The following OR8U1 variants were observed in gnomAD, a reference collection of about 807,000 sequenced individuals.
OR8U1 encodes the protein olfactory receptor 8U1.
For missense variants in OR8U1, 371 were observed against 362.5 expected (o/e 1.02, Z -0.19); for synonymous variants, 123 against 128.9 (o/e 0.95, Z 0.31).
chr11:56,375,728 C>A lies in OR8U1; in HGVS notation c.105C>A (p.Tyr35Ter). The A allele has an allele frequency of 6.6e-7, 1 of 1,526,372 alleles. No homozygotes were observed. Among genetic ancestry groups the A allele is most frequent in the Non-Finnish European group, 9.0e-7 (1 of 1,115,942 alleles). 94.6% of individuals were successfully genotyped at this position (1,526,372 alleles called of 1,614,324 possible). The change falls in exon 1 of 1, where the codon TAC (tyrosine) becomes TAA (stop). Residue 35 changes from tyrosine (Y) to a stop codon, truncating the protein, a stop_gained. Coordinates refer to ENST00000302270, the MANE Select transcript of OR8U1 (RefSeq NM_001005204.1). LOFTEE classifies it low-confidence loss of function (END_TRUNC). ...MPLFVLFLSI[Y>*]LFTVVGNLGL... Reference sequence around the variant, plus strand: ...TCTTTGTGCTATTCTTATCCATCTACCTCTTCACAGTGGTAGGCAACTTGG... The same window carrying A: ...TCTTTGTGCTATTCTTATCCATCTAACTCTTCACAGTGGTAGGCAACTTGG...
Position 56,375,755 on chromosome 11 carries a change from T to C in OR8U1, c.132T>C (p.Gly44=). Residue 44 remains glycine (G), a synonymous_variant, in exon 1 of 1, where the codon GGT becomes GGC. Transcript: ENST00000302270. ...TCTTCACAGTGGTAGGCAACTTGGG[T>C]TTGATCCTACTCATTAGAGCGGATA... is the stretch of plus-strand genomic sequence containing the variant. The part of the protein sequence containing the change: ...IYLFTVVGNL[G]LILLIRADTS... 1 of 1,614,194 alleles carries C rather than the reference T, an allele frequency of 6.2e-7. No homozygotes were observed. The highest frequency in any genetic ancestry group is 1.7e-5 in the Admixed American group (1 of 60,030).
rs111512467 is a variant in OR8U1 at position 56,376,340 on chromosome 11, G to A, written c.717G>A (p.Ser239=). Residue 239 remains serine, a synonymous_variant, in exon 1 of 1, where the codon TCG becomes TCA. Transcript: ENST00000302270. Reference sequence around the variant, plus strand: ...CTGAGGGAAGACAGAAGGCTTTCTCGACGTGTGGCTCTCACATGCTGGCAG... The same window carrying A: ...CTGAGGGAAGACAGAAGGCTTTCTCAACGTGTGGCTCTCACATGCTGGCAG... ...HSAEGRQKAF[S]TCGSHMLAVT... is the part of the protein sequence containing the mutation. 8.9e-6 allele frequency: 13 copies of A among 1,467,772 alleles called. No homozygotes were observed. The East Asian group carries it at 9.8e-5, about 11-fold the overall frequency. The allele number at this position is 1,467,772 out of a possible 1,614,324, so 90.9% of individuals were successfully genotyped here. A position where few individuals can be genotyped will look rare whatever the true frequency, so the allele number is the denominator to read the frequency against.
rs1447591546 is a variant in OR8U1, at chr11:56,376,360, T to C, written c.737T>C (p.Leu246Pro). ...TTCTCGACGTGTGGCTCTCACATGC[T>C]GGCAGTCACCATATTCTATGGGACC... is the stretch of plus-strand genomic sequence containing the variant. The part of the protein sequence containing the change: ...KAFSTCGSHM[L>P]AVTIFYGTLI... The change falls in exon 1 of 1, where the codon CTG (leucine) becomes CCG (proline). Residue 246 changes from leucine (L) to proline (P), a missense_variant. Coordinates refer to ENST00000302270, the MANE Select transcript of OR8U1 (RefSeq NM_001005204.1). 6.2e-6 allele frequency: 10 copies of C among 1,614,158 alleles called. No individual in the cohort carries two copies. The highest frequency in any genetic ancestry group is 1.3e-5 in the African/African-American group (1 of 74,964).
chr11:56,375,650 G>T lies in OR8U1; in HGVS notation c.27G>T (p.Ala9=). ...TGGCTCACATCAATTGCACCCAGGC[G>T]ACAGAGTTTATTCTTGTGGGCCTCA... MAHINCTQ[A]TEFILVGLTD... The change falls in exon 1 of 1, where the codon GCG becomes GCT. Residue 9 remains alanine (A), a synonymous_variant. Transcript: ENST00000302270. 6.2e-7 allele frequency: 1 copy of T among 1,610,288 alleles called. No homozygotes were observed. Among genetic ancestry groups the T allele is most frequent in the Non-Finnish European group, 8.5e-7 (1 of 1,178,376 alleles).
Position 56,376,233 on chromosome 11 carries a change from G to T in OR8U1, c.610G>T (p.Gly204Cys), listed in dbSNP as rs1223530067. The T allele has an allele frequency of 2.5e-6, 4 of 1,614,170 alleles. No individual in the cohort carries two copies. The highest frequency in any genetic ancestry group is 1.3e-5 in the African/African-American group (1 of 74,964). ...ACAGCTCTGGATCTTTGCCTGTGCT[G>T]GTATCATGTTCATTTCCTCCCTTCT... is the stretch of plus-strand genomic sequence containing the variant. ...FKQLWIFACA[G>C]IMFISSLLIV... Residue 204 changes from glycine (G) to cysteine (C), a missense_variant, in exon 1 of 1, where the codon GGT becomes TGT. Coordinates refer to ENST00000302270, the MANE Select transcript of OR8U1 (RefSeq NM_001005204.1).
chr11:56,376,205 C>T lies in OR8U1; in HGVS notation c.582C>T (p.Phe194=). 1 of 1,614,292 alleles carries T rather than the reference C, an allele frequency of 6.2e-7. No individual in the cohort carries two copies. The highest frequency in any genetic ancestry group is 1.1e-5 in the South Asian group (1 of 91,092). The change falls in exon 1 of 1, where the codon TTC becomes TTT. Residue 194 remains phenylalanine (F), a synonymous_variant. Coordinates refer to ENST00000302270, the MANE Select transcript of OR8U1 (RefSeq NM_001005204.1). ...GGCTAACTTGCTCAGACACTCGCTTCAAACAGCTCTGGATCTTTGCCTGTG... is the reference window on the plus strand; with the variant it reads ...GGCTAACTTGCTCAGACACTCGCTTTAAACAGCTCTGGATCTTTGCCTGTG... The part of the protein sequence containing the change: ...LLRLTCSDTR[F]KQLWIFACAG...
chr11:56,376,006 A>C lies in OR8U1; in HGVS notation c.383A>C (p.Asn128Thr). ...MAYDRYVAIC[N>T]PLLYMVVMTP... ...TATGACCGATATGTGGCCATTTGTA[A>C]CCCTCTATTGTATATGGTTGTAATG... The change falls in exon 1 of 1, where the codon AAC (asparagine) becomes ACC (threonine). Residue 128 changes from asparagine to threonine, a missense_variant. Transcript: ENST00000302270. 1 of 1,614,186 alleles carries C rather than the reference A, an allele frequency of 6.2e-7. No individual in the cohort carries two copies. Among genetic ancestry groups the C allele is most frequent in the Non-Finnish European group, 8.5e-7 (1 of 1,179,996 alleles).
chr11:56,376,544 T>C lies in OR8U1; in HGVS notation c.921T>C (p.Asn307=), dbSNP rs774575212. Residue 307 remains asparagine, a synonymous_variant, in exon 1 of 1, where the codon AAT becomes AAC. Transcript: ENST00000302270. ...AAGCTCTGAAGAAAATCATTATCAA[T>C]AAAAACTAGAGTTTTGTGTTTATAA... ...VKEALKKIII[N]KN is the part of the protein sequence containing the mutation. 5.7e-6 allele frequency: 9 copies of C among 1,567,310 alleles called. No homozygotes were observed. The Admixed American group carries it at 1.8e-4, about 31-fold the overall frequency.
chr11:56,375,804 T>C lies in OR8U1; in HGVS notation c.181T>C (p.Phe61Leu). ...TACAAGTCTCAACACACCAATGTAC[T>C]TCTTTCTTAGCAACCTAGCTTTTGT... ...ADTSLNTPMY[F>L]FLSNLAFVDF... Residue 61 changes from phenylalanine to leucine, a missense_variant, in exon 1 of 1, where the codon TTC becomes CTC. By Grantham distance (22) the Phe-to-Leu change is conservative. Coordinates refer to ENST00000302270, the MANE Select transcript of OR8U1 (RefSeq NM_001005204.1). 1 of 1,614,198 alleles carries C rather than the reference T, an allele frequency of 6.2e-7. No individual in the cohort carries two copies. The highest frequency in any genetic ancestry group is 8.5e-7 in the Non-Finnish European group (1 of 1,180,010).
rs376420584 is a variant in OR8U1 at position 56,376,200 on chromosome 11, C to A, written c.577C>A (p.Arg193Ser). 2 of 1,614,168 alleles carry A rather than the reference C, an allele frequency of 1.2e-6. No individual in the cohort carries two copies. Among genetic ancestry groups the A allele is most frequent in the Admixed American group, 1.7e-5 (1 of 60,018 alleles). Reference sequence around the variant, plus strand: ...CCTCAGGCTAACTTGCTCAGACACTCGCTTCAAACAGCTCTGGATCTTTGC... The same window carrying A: ...CCTCAGGCTAACTTGCTCAGACACTAGCTTCAAACAGCTCTGGATCTTTGC... ...PLLRLTCSDT[R>S]FKQLWIFACA... The change falls in exon 1 of 1, where the codon CGC (arginine) becomes AGC (serine). Residue 193 changes from arginine (R) to serine (S), a missense_variant. Transcript: ENST00000302270.
chr11:56,376,288 T>C lies in OR8U1; in HGVS notation c.665T>C (p.Ile222Thr), dbSNP rs1409338408. Residue 222 changes from isoleucine to threonine, a missense_variant, in exon 1 of 1, where the codon ATT becomes ACT. Ile to Thr is a moderately conservative substitution (Grantham distance 89). Transcript: ENST00000302270. Reference protein sequence around the residue: ...LIVFVSYMFIISAILRMHSAE... With the variant: ...LIVFVSYMFITSAILRMHSAE... ...GTCTTTGTCTCCTACATGTTCATCA[T>C]TTCTGCCATCCTGAGGATGCATTCA... The C allele has an allele frequency of 1.2e-6, 2 of 1,614,282 alleles. No homozygotes were observed. Among genetic ancestry groups the C allele is most frequent in the Non-Finnish European group, 8.5e-7 (1 of 1,180,036 alleles).
At position 56,375,927 on chromosome 11, in the gene OR8U1, G is replaced by A. The variant is rs369044239; in HGVS notation, c.304G>A (p.Gly102Ser). 4.7e-5 allele frequency: 76 copies of A among 1,613,916 alleles called. No individual in the cohort carries two copies. The African/African-American group carries it at 9.3e-4, about 20-fold the overall frequency. Residue 102 changes from glycine (G) to serine (S), a missense_variant, in exon 1 of 1, where the codon GGC (glycine) becomes AGC (serine). Physicochemically the swap from Gly to Ser is moderately conservative, Grantham distance 56 (BLOSUM62 0). Coordinates refer to ENST00000302270, the MANE Select transcript of OR8U1 (RefSeq NM_001005204.1). ...CTTTGATGCATGTGCTACTCAACTGGGCTGCTTTCTCACCTTCATGATATC... is the reference window on the plus strand; with the variant it reads ...CTTTGATGCATGTGCTACTCAACTGAGCTGCTTTCTCACCTTCATGATATC... ...ISFDACATQL[G>S]CFLTFMISES...
Position 56,376,073 on chromosome 11 carries a change from C to T in OR8U1, c.450C>T (p.Ser150=), listed in dbSNP as rs1852790991. The T allele has an allele frequency of 6.2e-7, 1 of 1,614,184 alleles. No homozygotes were observed. The highest frequency in any genetic ancestry group is 8.5e-7 in the Non-Finnish European group (1 of 1,179,988). ...ICIQLVAVPY[S]YSFLMALFHT... is the part of the protein sequence containing the mutation. ...TTCAACTTGTAGCAGTTCCTTATAG[C>T]TATAGCTTCCTAATGGCACTATTTC... Residue 150 remains serine, a synonymous_variant, in exon 1 of 1, where the codon AGC becomes AGT. Coordinates refer to ENST00000302270, the MANE Select transcript of OR8U1 (RefSeq NM_001005204.1).
Position 56,376,107 on chromosome 11 carries a change from C to A in OR8U1, c.484C>A (p.Leu162Ile), listed in dbSNP as rs748340707. 6.2e-7 allele frequency: 1 copy of A among 1,614,150 alleles called. No homozygotes were observed. Among genetic ancestry groups the A allele is most frequent in the African/African-American group, 1.3e-5 (1 of 74,966 alleles). The change falls in exon 1 of 1, where the codon CTC becomes ATC. Residue 162 changes from leucine to isoleucine, a missense_variant. Transcript: ENST00000302270. Reference sequence around the variant, plus strand: ...CCTAATGGCACTATTTCACACCATCCTCACCTTCCGCCTCTCCTATTGCCA... The same window carrying A: ...CCTAATGGCACTATTTCACACCATCATCACCTTCCGCCTCTCCTATTGCCA... ...SFLMALFHTI[L>I]TFRLSYCHSN...
rs1852783641 is a variant in OR8U1 at position 56,375,872 on chromosome 11, G to A, written c.249G>A (p.Gly83=). The A allele has an allele frequency of 2.0e-5, 33 of 1,614,070 alleles. No homozygotes were observed. Among genetic ancestry groups the A allele is most frequent in the Non-Finnish European group, 2.8e-5 (33 of 1,180,026 alleles). ...YSSVITPKML[G]NFLYKQNVIS... Reference sequence around the variant, plus strand: ...CTGTCATTACACCCAAAATGCTTGGGAATTTCTTGTACAAACAAAATGTTA... The same window carrying A: ...CTGTCATTACACCCAAAATGCTTGGAAATTTCTTGTACAAACAAAATGTTA... Residue 83 remains glycine, a synonymous_variant, in exon 1 of 1, where the codon GGG becomes GGA. Coordinates refer to ENST00000302270, the MANE Select transcript of OR8U1 (RefSeq NM_001005204.1).
In OR8U1 at chr11:56,376,443, G is replaced by T; in HGVS notation, c.820G>T (p.Ala274Ser). ...CCATGCCCTGGACACAGACAAGATG[G>T]CCTCTGTCTTCTACACAGTGATCAT... ...SSHALDTDKM[A>S]SVFYTVIIPM... The change falls in exon 1 of 1, where the codon GCC becomes TCC. Residue 274 changes from alanine to serine, a missense_variant. Physicochemically the swap from Ala to Ser is moderately conservative, Grantham distance 99. Coordinates refer to ENST00000302270, the MANE Select transcript of OR8U1 (RefSeq NM_001005204.1). 6.2e-7 allele frequency: 1 copy of T among 1,614,256 alleles called. No homozygotes were observed. Among genetic ancestry groups the T allele is most frequent in the Non-Finnish European group, 8.5e-7 (1 of 1,180,046 alleles).
Position 56,376,116 on chromosome 11 carries a change from C to A in OR8U1, c.493C>A (p.Arg165Ser), listed in dbSNP as rs17150411. 6.2e-7 allele frequency: 1 copy of A among 1,601,570 alleles called. No individual in the cohort carries two copies. Among genetic ancestry groups the A allele is most frequent in the Non-Finnish European group, 8.5e-7 (1 of 1,174,284 alleles). Residue 165 changes from arginine (R) to serine (S), a missense_variant, in exon 1 of 1, where the codon CGC (arginine) becomes AGC (serine). Physicochemically the swap from Arg to Ser is moderately radical, Grantham distance 110 (BLOSUM62 -1). Coordinates refer to ENST00000302270, the MANE Select transcript of OR8U1 (RefSeq NM_001005204.1). ...MALFHTILTF[R>S]LSYCHSNIVN... Reference sequence around the variant, plus strand: ...ACTATTTCACACCATCCTCACCTTCCGCCTCTCCTATTGCCACTCCAACAT... The same window carrying A: ...ACTATTTCACACCATCCTCACCTTCAGCCTCTCCTATTGCCACTCCAACAT...
rs972803323 is a variant in OR8U1 at position 56,376,148 on chromosome 11, C to T, written c.525C>T (p.Asn175=). The change falls in exon 1 of 1, where the codon AAC becomes AAT. Residue 175 remains asparagine (N), a synonymous_variant. Transcript: ENST00000302270. ...RLSYCHSNIV[N]HFYCDDMPLL... is the part of the protein sequence containing the mutation. The stretch of plus-strand genomic sequence containing the variant: ...CCTATTGCCACTCCAACATTGTCAA[C>T]CATTTCTATTGTGATGACATGCCTC... 1 of 1,614,116 alleles carries T rather than the reference C, an allele frequency of 6.2e-7. No homozygotes were observed. The highest frequency in any genetic ancestry group is 8.5e-7 in the Non-Finnish European group (1 of 1,180,022).
Position 56,375,721 on chromosome 11 carries a change from C to A in OR8U1, c.98C>A (p.Ser33Tyr). 1 of 1,614,094 alleles carries A rather than the reference C, an allele frequency of 6.2e-7. No individual in the cohort carries two copies. Among genetic ancestry groups the A allele is most frequent in the Non-Finnish European group, 8.5e-7 (1 of 1,179,918 alleles). ...ATGCCCCTCTTTGTGCTATTCTTAT[C>A]CATCTACCTCTTCACAGTGGTAGGC... ...LKMPLFVLFL[S>Y]IYLFTVVGNL... Residue 33 changes from serine (S) to tyrosine (Y), a missense_variant, in exon 1 of 1, where the codon TCC becomes TAC. Physicochemically the swap from Ser to Tyr is moderately radical, Grantham distance 144. Coordinates refer to ENST00000302270, the MANE Select transcript of OR8U1 (RefSeq NM_001005204.1).
Sources: allele counts gnomAD v4.1 joint callset, GRCh38; gene constraint gnomAD v4.1.1; transcripts MANE v1.5; gene names NCBI Gene and HGNC (gene_info 2026-07-23, HGNC 2026-07-21).